The following ETV6 variants were observed in gnomAD, a reference collection of about 807,000 sequenced individuals.
ETV6 encodes transcription factor ETV6.
A neutral mutation model predicts 51.1 loss-of-function variants in ETV6; 16 were observed. The ratio of observed to expected loss-of-function variants is 0.31; its 90% confidence interval spans 0.21 to 0.48. The LOEUF (loss-of-function observed/expected upper bound fraction) is 0.48. Ranked by LOEUF, ETV6 falls within the 20% of genes least tolerant of loss-of-function variation. ETV6 has a pLI of 0.99. For synonymous variants in ETV6, 240 were observed against 224.1 expected, an observed-to-expected ratio of 1.07 and a Z score of -0.64; for missense variants, 458 against 594.8, an observed-to-expected ratio of 0.77 and a Z score of 2.39.
intron 1 of ETV6, among the ~76,000 whole-genome samples, chr12:11,741,803 T>G (rs191536292): frequency 6.6e-6 from 1 of 152,356 alleles, no homozygotes; most frequent in Non-Finnish European, 1.5e-5. Flanking sequence ...AGAGAATCCT[T>G]TAACATATGT....
chr12:11,845,438 C>T (rs1175419416), intron 3 of ETV6, among the ~76,000 whole-genome samples: 1 of 152,138 alleles, frequency 6.6e-6, no homozygotes, highest in Non-Finnish European at 1.5e-5. Context: ...ACCTTATAGT[C>T]CATATCCAGC....
intron 2 of ETV6, among the ~76,000 whole-genome samples, chr12:11,834,746 C>A (rs1219976387): frequency 1.3e-5 from 2 of 152,164 alleles, no homozygotes; most frequent in African/African-American, 4.8e-5. Flanking sequence ...TGGCCATGGG[C>A]ATGGAGTAAT....
chr12:11,845,273 G>A (rs1439135487), intron 3 of ETV6, among the ~76,000 whole-genome samples: 3 of 152,182 alleles, frequency 2.0e-5, no homozygotes, highest in African/African-American at 7.2e-5. Context: ...GTTAAAAGTT[G>A]GAGAGACCTA....
chr12:11,758,349 G>A (rs889551378), intron 2 of ETV6, among the ~76,000 whole-genome samples: 3 of 152,246 alleles, frequency 2.0e-5, no homozygotes, highest in South Asian at 4.2e-4. Flanking sequence ...TTCTGTTTCC[G>A]GTTATGGTGA....
chr12:11,717,208 A>C lies in ETV6; in HGVS notation c.34-35242A>C, dbSNP rs181839838. Among the ~76,000 whole-genome samples the C allele has an allele frequency of 3.4e-4, 52 of 152,346 alleles. No individual in the cohort carries two copies. The East Asian group carries it at 5.4e-3, about 16-fold the overall frequency. On this transcript the variant is annotated intron_variant, in intron 1 of 7. Transcript: ENST00000396373. The stretch of plus-strand genomic sequence containing the variant: ...GTTCCATTTTCTTCCTTTTGCAAAG[A>C]GCAGGCAACCAGCTATGCCTTCCTG...
At chr12:11,823,927 A>G (rs1026248406) in intron 2 of ETV6, among the ~76,000 whole-genome samples, 2 of 152,096 alleles carry the variant, frequency 1.3e-5, no homozygotes, top group African/African-American at 4.8e-5. Context: ...CTGTTTCTAG[A>G]GTGCAGTGGT....
chr12:11,812,940 G>A (rs986656571), intron 2 of ETV6, among the ~76,000 whole-genome samples: 2 of 152,210 alleles, frequency 1.3e-5, no homozygotes, highest in Non-Finnish European at 2.9e-5. Flanking sequence ...AAGAGGCAGT[G>A]AGGGGCTCCC....
chr12:11,696,654 A>G (rs1251499014), intron 1 of ETV6, among the ~76,000 whole-genome samples: 2 of 152,122 alleles, frequency 1.3e-5, no homozygotes, highest in African/African-American at 4.8e-5. Flanking sequence ...CATCTCAACT[A>G]AAGATACAAA....
intron 4 of ETV6, among the ~76,000 whole-genome samples, chr12:11,860,711 A>G (rs1230768519): frequency 6.6e-6 from 1 of 152,148 alleles, no homozygotes; most frequent in African/African-American, 2.4e-5. Flanking sequence ...CTGTTTGTGT[A>G]AATTTTTAAT....
intron 1 of ETV6, among the ~76,000 whole-genome samples, chr12:11,722,002 A>G (rs1865397756): frequency 6.6e-6 from 1 of 152,208 alleles, no homozygotes; most frequent in Non-Finnish European, 1.5e-5. Flanking sequence ...GGAAGAAGGT[A>G]TCATAGGTTA....
chr12:11,668,132 C>G (rs1326429754), intron 1 of ETV6, among the ~76,000 whole-genome samples: 1 of 150,206 alleles, frequency 6.7e-6, no homozygotes, highest in Non-Finnish European at 1.5e-5. Context: ...CCACACCCAG[C>G]TGAGAACAGA....
chr12:11,754,104 T>C (rs993996255), intron 2 of ETV6, among the ~76,000 whole-genome samples: 2 of 152,174 alleles, frequency 1.3e-5, no homozygotes, highest in African/African-American at 4.8e-5. Flanking sequence ...ACCGATATAT[T>C]CACTTCAGAA....
At chr12:11,793,313 C>T (rs1945631518) in intron 2 of ETV6, among the ~76,000 whole-genome samples, 1 of 152,234 alleles carries the variant, frequency 6.6e-6, no homozygotes, top group South Asian at 2.1e-4. Context: ...GCACCAACGG[C>T]AAGCTTGCTC....
At chr12:11,715,985 G>A (rs1380084075) in intron 1 of ETV6, among the ~76,000 whole-genome samples, 1 of 152,196 alleles carries the variant, frequency 6.6e-6, no homozygotes, top group Non-Finnish European at 1.5e-5. Flanking sequence ...TGCAATCTGG[G>A]TAAAAAGGAA....
At chr12:11,826,218 C>G (rs1322620002) in intron 2 of ETV6, among the ~76,000 whole-genome samples, 1 of 152,144 alleles carries the variant, frequency 6.6e-6, no homozygotes, top group Non-Finnish European at 1.5e-5. Context: ...TTACGCTCTG[C>G]CCAACCTCAG....
intron 2 of ETV6, among the ~76,000 whole-genome samples, chr12:11,836,665 C>A (rs1946320926): frequency 6.6e-6 from 1 of 152,088 alleles, no homozygotes; most frequent in Non-Finnish European, 1.5e-5. Flanking sequence ...ATATAAAGAA[C>A]CTCAAATTAC....
chr12:11,872,953 A>G (rs1946906362), intron 5 of ETV6, among the ~76,000 whole-genome samples: 1 of 152,168 alleles, frequency 6.6e-6, no homozygotes, highest in South Asian at 2.1e-4. Flanking sequence ...GAAATAGGCA[A>G]TATGTGCTTT....
At chr12:11,849,243 C>T (rs572476670) in intron 3 of ETV6, among the ~76,000 whole-genome samples, 5 of 151,938 alleles carry the variant, frequency 3.3e-5, no homozygotes, top group South Asian at 2.1e-4. Flanking sequence ...CCCGAGTAGC[C>T]GGGACAATGG....
intron 1 of ETV6, among the ~76,000 whole-genome samples, chr12:11,676,578 A>T (rs1360129308): frequency 6.6e-6 from 1 of 152,150 alleles, no homozygotes; most frequent in South Asian, 2.1e-4. Context: ...CTCTTATCCC[A>T]GCTGATGGCT....
Sources: gnomAD v4.1 joint callset for allele counts (sites outside exome capture counted in the v4.1 genomes callset) on GRCh38, gnomAD v4.1.1 for gene constraint, MANE v1.5 for transcripts, NCBI Gene and HGNC (gene_info 2026-07-23, HGNC 2026-07-21) for gene names.